The following METAP1 variants were observed in gnomAD, a reference collection of about 807,000 sequenced individuals.
The protein encoded by METAP1 is methionine aminopeptidase 1.
METAP1 carries 28 observed loss-of-function variants against 53.8 expected under a neutral mutation model. That is an observed-to-expected ratio of 0.52 (90% CI 0.39 to 0.71). The LOEUF (loss-of-function observed/expected upper bound fraction) is 0.71, where lower values mean the gene tolerates loss of function less well. Ranked by LOEUF, METAP1 falls within the 30% of genes least tolerant of loss-of-function variation. The pLI, the probability that METAP1 is intolerant of heterozygous loss-of-function variation, is 0.00. For missense variants in METAP1, 389 were observed against 479.8 expected, an observed-to-expected ratio of 0.81 and a Z score of 1.77; for synonymous variants, 181 against 165.7, an observed-to-expected ratio of 1.09 and a Z score of -0.71.
At chr4:99,016,099 C>T (rs755365303) in intron 1 of METAP1, among the ~76,000 whole-genome samples, 6 of 152,058 alleles carry the variant, frequency 3.9e-5, no homozygotes, top group African/African-American at 7.2e-5. Context: ...CAGGCTGATG[C>T]GATTGTACTG....
chr4:99,037,842 T>A (rs1725545393), intron 4 of METAP1: 1 of 151,700 alleles, frequency 6.6e-6, no homozygotes, highest in Non-Finnish European at 1.5e-5. Context: ...CTCAAAATTA[T>A]CCTGTTGACA....
At chr4:99,018,458 T>G (rs1313143046) in intron 1 of METAP1, among the ~76,000 whole-genome samples, 1 of 152,190 alleles carries the variant, frequency 6.6e-6, no homozygotes, top group Admixed American at 6.5e-5. Flanking sequence ...AAATATTCAG[T>G]GAATCCTCAA....
At chr4:99,049,318 G>A (rs1249874128) in intron 9 of METAP1, among the ~76,000 whole-genome samples, 1 of 152,214 alleles carries the variant, frequency 6.6e-6, no homozygotes, top group Non-Finnish European at 1.5e-5. Context: ...AGGGAGATGG[G>A]AAAACGTAAT....
intron 1 of METAP1, among the ~76,000 whole-genome samples, chr4:99,002,233 G>GT (rs1300463618): frequency 2.0e-5 from 3 of 152,210 alleles, no homozygotes; most frequent in African/African-American, 4.8e-5. Context: ...CAGTGGCACG[G>GT]TAACTCCTTC....
At chr4:99,031,800 T>A in intron 2 of METAP1, 5 of 386,302 alleles carry the variant, frequency 1.3e-5, no homozygotes, top group South Asian at 8.0e-5. Flanking sequence ...TGCATACAAC[T>A]TTTTAAAGAA....
intron 10 of METAP1, among the ~76,000 whole-genome samples, chr4:99,058,915 T>C (rs965702831): frequency 2.0e-5 from 3 of 152,270 alleles, no homozygotes; most frequent in Non-Finnish European, 4.4e-5. Context: ...TGTTATGTTA[T>C]ATACTTTAAA....
At chr4:99,009,856 CAA>C (rs1021447608) in intron 1 of METAP1, among the ~76,000 whole-genome samples, 1 of 152,172 alleles carries the variant, frequency 6.6e-6, no homozygotes, top group Admixed American at 6.5e-5. Context: ...CTTTGATGAA[CAA>C]AAGTTTTTTA....
chr4:99,035,634 T>C (rs190429635), intron 4 of METAP1, among the ~76,000 whole-genome samples, 174 bp downstream of exon 4: 1 of 152,278 alleles, frequency 6.6e-6, no homozygotes, highest in East Asian at 1.9e-4. Context: ...CCATTAGAAA[T>C]CTACCTACCT....
intron 1 of METAP1, chr4:99,005,887 G>A (rs534089518): frequency 1.6e-5 from 5 of 319,766 alleles, no homozygotes; most frequent in Non-Finnish European, 2.5e-5. Context: ...AAAGACATTC[G>A]GAGTGGTATA....
intron 1 of METAP1, among the ~76,000 whole-genome samples, chr4:99,005,271 TCAAA>T (rs1310536811): frequency 2.0e-5 from 3 of 151,754 alleles, no homozygotes; most frequent in Admixed American, 1.3e-4. Context: ...TACAAGGAAC[TCAAA>T]CAAATCAGCA....
At chr4:99,049,038 G>C (rs1289278405) in intron 9 of METAP1, among the ~76,000 whole-genome samples, 162 bp downstream of exon 9, 1 of 152,174 alleles carries the variant, frequency 6.6e-6, no homozygotes, top group Non-Finnish European at 1.5e-5. Flanking sequence ...GTGCAAGTTC[G>C]TATCTTACTC....
chr4:99,035,755 C>G (rs1725380705), intron 4 of METAP1, among the ~76,000 whole-genome samples: 2 of 152,074 alleles, frequency 1.3e-5, no homozygotes, highest in South Asian at 4.1e-4. Flanking sequence ...TTAATATTCC[C>G]TCCTATCTAA....
chr4:99,013,210 C>A (rs776040045), intron 1 of METAP1, among the ~76,000 whole-genome samples: 1 of 152,020 alleles, frequency 6.6e-6, no homozygotes, highest in Non-Finnish European at 1.5e-5. Context: ...GACTTCTTTG[C>A]ACATGTAAGA....
intron 1 of METAP1, among the ~76,000 whole-genome samples, chr4:99,025,148 C>T (rs776609834): frequency 2.0e-5 from 3 of 152,210 alleles, no homozygotes; most frequent in Non-Finnish European, 4.4e-5. Context: ...TAACAGGCCA[C>T]TGACCAGTAG....
intron 4 of METAP1, among the ~76,000 whole-genome samples, chr4:99,036,696 T>C (rs544806247): frequency 7.9e-5 from 12 of 152,222 alleles, no homozygotes; most frequent in Admixed American, 7.2e-4. Context: ...GGATGTATCA[T>C]ATTTCTTAAG....
At chr4:99,029,239 C>T (rs992750655) in intron 2 of METAP1, among the ~76,000 whole-genome samples, 2 of 152,130 alleles carry the variant, frequency 1.3e-5, no homozygotes, top group Non-Finnish European at 2.9e-5. Context: ...ATATTGTAGT[C>T]AGGGATTATG....
At chr4:99,002,556 ACT>A (rs35818353) in intron 1 of METAP1, among the ~76,000 whole-genome samples, 25,054 of 151,986 alleles carry the variant, frequency 0.16, 3,323 homozygotes, top group East Asian at 0.79. Context: ...AATTCAAAAC[ACT>A]CTGTAAACGA....
At chr4:98,995,972 C>T (rs973924912) in intron 1 of METAP1, 105 bp downstream of exon 1, 6 of 890,274 alleles carry the variant, frequency 6.7e-6, no homozygotes, top group Admixed American at 6.6e-5. Context: ...CGCGCTCCTC[C>T]TCTTCCCCCC....
At chr4:99,029,532 G>C (rs74385102) in intron 2 of METAP1, among the ~76,000 whole-genome samples, 1,880 of 152,236 alleles carry the variant, frequency 0.012, 40 homozygotes, top group African/African-American at 0.043. Context: ...TGTCATTAGC[G>C]TGGCTGGTTT....
Sources: allele counts gnomAD v4.1 joint callset (sites outside exome capture counted in the v4.1 genomes callset), GRCh38; gene constraint gnomAD v4.1.1; transcripts MANE v1.5; gene names NCBI Gene and HGNC (gene_info 2026-07-23, HGNC 2026-07-21).